The following TRIM24 variants were observed in gnomAD, a reference collection of about 807,000 sequenced individuals.
TRIM24 encodes the protein tripartite motif containing 24, also known as transcription intermediary factor 1-alpha.
Under a neutral mutation model 123.9 loss-of-function variants are expected in TRIM24, and 29 were observed. The observed-to-expected ratio is 0.23, with a 90% CI of 0.17 to 0.32. The LOEUF (loss-of-function observed/expected upper bound fraction) is 0.32. Among genes scored for constraint, TRIM24 ranks in the 10% least tolerant of loss-of-function variants. TRIM24 has a pLI of 1.00. For missense variants in TRIM24, 932 were observed against 1,295.3 expected (o/e 0.72, Z 4.31); for synonymous variants, 456 against 461.1 (o/e 0.99, Z 0.14).
At position 138,478,686 on chromosome 7, in the gene TRIM24, A is replaced by G. The variant is rs1795458780; in HGVS notation, c.364+17774A>G. 3.9e-5 allele frequency among the ~76,000 whole-genome samples: 6 copies of G among 152,248 alleles called. No individual in the cohort carries two copies. The South Asian group carries it at 1.2e-3, about 32-fold the overall frequency. The stretch of plus-strand genomic sequence containing the variant: ...ACTCAGGGATTCATGAATGGGCAGT[A>G]TCAGTTGAGCAAGTGGCTCAGTGCT... On this transcript the variant is annotated intron_variant, in intron 1 of 18. Coordinates refer to ENST00000343526, the MANE Select transcript of TRIM24 (RefSeq NM_015905.3).
chr7:138,509,664 A>G (rs1315112583), intron 2 of TRIM24, among the ~76,000 whole-genome samples: 2 of 139,702 alleles, frequency 1.4e-5, no homozygotes, highest in East Asian at 2.2e-4. Context: ...ATTGCACCAC[A>G]GCACTCTAGC....
chr7:138,472,292 A>T (rs958539809), intron 1 of TRIM24, among the ~76,000 whole-genome samples: 23 of 145,708 alleles, frequency 1.6e-4, no homozygotes, highest in African/African-American at 4.7e-4. Context: ...TGAATTTATA[A>T]AAAAAAAAAA....
At chr7:138,510,415 G>T (rs1359039845) in intron 2 of TRIM24, among the ~76,000 whole-genome samples, 1 of 151,936 alleles carries the variant, frequency 6.6e-6, no homozygotes, top group African/African-American at 2.4e-5. Context: ...TTTTTTGTTT[G>T]TTTGTTTGTT....
chr7:138,499,352 GC>G (rs1795980756), intron 1 of TRIM24, among the ~76,000 whole-genome samples: 1 of 152,102 alleles, frequency 6.6e-6, no homozygotes, highest in Non-Finnish European at 1.5e-5. Flanking sequence ...TTTACTACTT[GC>G]CTGAGTCCAG....
rs1318218566 is a variant in TRIM24 at position 138,567,622 on chromosome 7, A to G, written c.1672A>G (p.Met558Val). The change falls in exon 10 of 19, where the codon ATG becomes GTG. Residue 558 changes from methionine (M) to valine (V), a missense_variant. By Grantham distance (21) the Met-to-Val change is conservative. Coordinates refer to ENST00000343526, the MANE Select transcript of TRIM24 (RefSeq NM_015905.3). ...AGCAATAAAGCCAAACCCCCTACAG[A>G]TGGCTTTCTTGGCTCAACAAGCCAT... is the stretch of plus-strand genomic sequence containing the variant. Reference protein sequence around the residue: ...RQAIKPNPLQMAFLAQQAIKQ... With the variant: ...RQAIKPNPLQVAFLAQQAIKQ... The G allele has an allele frequency of 6.2e-7, 1 of 1,612,788 alleles. No individual in the cohort carries two copies. The highest frequency in any genetic ancestry group is 8.5e-7 in the Non-Finnish European group (1 of 1,179,550).
intron 2 of TRIM24, among the ~76,000 whole-genome samples, chr7:138,508,692 T>TGTGTGTGCGCGCGCGCGCAC (rs1422176564): frequency 2.2e-5 from 3 of 137,214 alleles, no homozygotes; most frequent in Admixed American, 7.2e-5. Context: ...TGTGTGTGTG[T>TGTGTGTGCGCGCGCGCGCAC]GCGCGCGCGT....
intron 1 of TRIM24, among the ~76,000 whole-genome samples, chr7:138,483,840 G>C (rs1795586680): frequency 3.3e-5 from 5 of 152,060 alleles, no homozygotes; most frequent in Admixed American, 3.3e-4. Flanking sequence ...AATTATATAG[G>C]TTGGCAAGGA....
intron 2 of TRIM24, among the ~76,000 whole-genome samples, chr7:138,508,682 T>TGCGCGCGCGCGCGTGCGC (rs1200648763): frequency 4.2e-5 from 2 of 47,120 alleles, no homozygotes; most frequent in African/African-American, 1.6e-4. Flanking sequence ...TGTGTGTGTG[T>TGCGCGCGCGCGCGTGCGC]GTGTGTGTGT....
intron 9 of TRIM24, among the ~76,000 whole-genome samples, chr7:138,555,528 G>T (rs1797298531): frequency 1.3e-5 from 2 of 149,346 alleles, no homozygotes; most frequent in Admixed American, 6.7e-5. Context: ...TGTCACTCAG[G>T]CTGGAGTGCA....
Position 138,461,962 on chromosome 7 carries a change from A to ATT in TRIM24, c.364+1050_364+1051insTT, listed in dbSNP as rs1794987238. 3.9e-5 allele frequency among the ~76,000 whole-genome samples: 6 copies of ATT among 152,308 alleles called. No homozygotes were observed. The South Asian group carries it at 1.2e-3, about 32-fold the overall frequency. ...CTCATTTATTTGACTGCATGTTAGG[A>ATT]GCAGTATCCACTTGTAGGAGACAGT... On this transcript the variant is annotated intron_variant, in intron 1 of 18. Transcript: ENST00000343526.
At chr7:138,508,662 A>AGTGTGTGTGT (rs781643258) in intron 2 of TRIM24, among the ~76,000 whole-genome samples, 66 of 112,892 alleles carry the variant, frequency 5.8e-4, no homozygotes, top group African/African-American at 1.9e-3. Flanking sequence ...TAATAAGAGG[A>AGTGTGTGTGT]GTGTGTGTGT....
rs1160862126 is a variant in TRIM24, at chr7:138,570,814, CTTCTT to C, written c.1705-15_1705-11del. The C allele has an allele frequency of 7.4e-6, 12 of 1,612,960 alleles. No individual in the cohort carries two copies. The highest frequency in any genetic ancestry group is 2.2e-5 in the South Asian group (2 of 90,864). The stretch of plus-strand genomic sequence containing the variant: ...GCTTGTTGATAGCCTTTGTTCTTCT[CTTCTT>C]GTTACTGTAGTGGCAGATCAGCAGT... On this transcript the variant is annotated splice_polypyrimidine_tract_variant and intron_variant, in intron 10 of 18. Coordinates refer to ENST00000343526, the MANE Select transcript of TRIM24 (RefSeq NM_015905.3).
At chr7:138,508,701 G>A (rs906052934) in intron 2 of TRIM24, among the ~76,000 whole-genome samples, 1 of 66,020 alleles carries the variant, frequency 1.5e-5, no homozygotes, top group African/African-American at 6.4e-5. Context: ...GTGCGCGCGC[G>A]TGTGTGCGTG....
intron 7 of TRIM24, among the ~76,000 whole-genome samples, chr7:138,547,246 G>C (rs878974426): frequency 6.6e-6 from 1 of 152,160 alleles, no homozygotes; most frequent in Admixed American, 6.5e-5. Flanking sequence ...AAGGGATTCA[G>C]GGTATTGGAA....
chr7:138,507,359 A>ATTTT (rs11301228), intron 2 of TRIM24, among the ~76,000 whole-genome samples: 1 of 132,392 alleles, frequency 7.6e-6, no homozygotes, highest in Non-Finnish European at 1.6e-5. Flanking sequence ...TTCATCTGTA[A>ATTTT]TTTTTTTTTT....
At chr7:138,541,509 T>C (rs181975907) in intron 7 of TRIM24, among the ~76,000 whole-genome samples, 1 of 152,310 alleles carries the variant, frequency 6.6e-6, no homozygotes, top group East Asian at 1.9e-4. Context: ...AACTAAAATA[T>C]ATTGTAAGTA....
rs57719141 is a variant in TRIM24, at chr7:138,463,043, GTTTTTTTTTTT to G, written c.364+2147_364+2157del. On this transcript the variant is annotated intron_variant, in intron 1 of 18. Transcript: ENST00000343526. ...CGCCACCACGTCCGGCTAATTTTGT[GTTTTTTTTTTT>G]TTTTTTTTTTTTTTTGGTAGAGGCG... Among the ~76,000 whole-genome samples the G allele has an allele frequency of 4.8e-4, 29 of 60,136 alleles. No individual in the cohort carries two copies. The South Asian group carries it at 8.5e-3, about 18-fold the overall frequency. The allele number at this position is 60,136 out of a possible 152,430, so 39.5% of individuals were successfully genotyped here. A position where few individuals can be genotyped will look rare whatever the true frequency, so the allele number is the denominator to read the frequency against.
intron 1 of TRIM24, among the ~76,000 whole-genome samples, chr7:138,472,629 AGACCAT>A (rs1795295801): frequency 6.6e-6 from 1 of 152,144 alleles, no homozygotes; most frequent in African/African-American, 2.4e-5. Flanking sequence ...TTGGTGCTAA[AGACCAT>A]GAATTAACAA....
intron 10 of TRIM24, among the ~76,000 whole-genome samples, chr7:138,568,790 C>T (rs895895389): frequency 2.6e-5 from 4 of 152,082 alleles, no homozygotes; most frequent in Non-Finnish European, 5.9e-5. Flanking sequence ...CCTATGACAA[C>T]AGCCTGTCTA....
Sources: allele counts gnomAD v4.1 joint callset (sites outside exome capture counted in the v4.1 genomes callset), GRCh38; gene constraint gnomAD v4.1.1; transcripts MANE v1.5; gene names NCBI Gene and HGNC (gene_info 2026-07-23, HGNC 2026-07-21).